The following PLCB4 variants were observed in gnomAD, a reference collection of about 807,000 sequenced individuals.
The protein encoded by PLCB4 is 1-phosphatidylinositol 4,5-bisphosphate phosphodiesterase beta-4.
Under a neutral mutation model 178.8 loss-of-function variants are expected in PLCB4, and 77 were observed. The ratio of observed to expected loss-of-function variants is 0.43; its 90% CI spans 0.36 to 0.52. The LOEUF (loss-of-function observed/expected upper bound fraction) is 0.52. PLCB4 is among the 20% of genes least tolerant of loss of function. The pLI, the probability that PLCB4 is intolerant of heterozygous loss-of-function variation, is 0.00. For missense variants in PLCB4, 1,024 were observed against 1,453.4 expected, an observed-to-expected ratio of 0.70 and a Z score of 4.80; for synonymous variants, 496 against 490.8, an observed-to-expected ratio of 1.01 and a Z score of -0.14.
At chr20:9,185,388 C>A (rs977015543) in intron 2 of PLCB4, among the ~76,000 whole-genome samples, 1 of 152,064 alleles carries the variant, frequency 6.6e-6, no homozygotes, top group Non-Finnish European at 1.5e-5. Context: ...TGACTCCTCT[C>A]TCTCACACTC....
At chr20:9,473,392 A>G in intron 38 of PLCB4, 27 bp downstream of exon 38, 1 of 1,351,394 alleles carries the variant, frequency 7.4e-7, no homozygotes, top group East Asian at 2.3e-5. Context: ...ACGTAAAAAC[A>G]TGCAGGCAGC....
chr20:9,342,700 A>T (rs73066406), intron 7 of PLCB4, among the ~76,000 whole-genome samples: 10,651 of 149,748 alleles, frequency 0.071, 416 homozygotes, highest in African/African-American at 0.098. Context: ...AATGCCTCAG[A>T]TAGCCAGTTT....
At chr20:9,336,731 C>CAA (rs66471977) in intron 4 of PLCB4, among the ~76,000 whole-genome samples, 59 of 120,652 alleles carry the variant, frequency 4.9e-4, no homozygotes, top group African/African-American at 1.6e-3. Flanking sequence ...ATTTTACAGA[C>CAA]AAAAAAAAAA....
chr20:9,078,536 A>G (rs1343175390), intron 1 of PLCB4, among the ~76,000 whole-genome samples: 1 of 151,116 alleles, frequency 6.6e-6, no homozygotes. Context: ...TAATTTTTGT[A>G]TTTTTAGTAG....
intron 4 of PLCB4, among the ~76,000 whole-genome samples, chr20:9,317,782 A>G (rs770762504): frequency 2.0e-5 from 3 of 152,232 alleles, no homozygotes; most frequent in Non-Finnish European, 4.4e-5. Context: ...AGCTGCACAA[A>G]GAAAGAACAT....
intron 8 of PLCB4, among the ~76,000 whole-genome samples, chr20:9,364,800 T>G (rs1269463079): frequency 6.6e-6 from 1 of 152,218 alleles, no homozygotes; most frequent in Non-Finnish European, 1.5e-5. Flanking sequence ...AGAAAAGTCC[T>G]AGCTCCAAAG....
intron 2 of PLCB4, among the ~76,000 whole-genome samples, chr20:9,122,941 A>G (rs6133666): frequency 0.2 from 29,980 of 152,134 alleles, 3,942 homozygotes; most frequent in East Asian, 0.55. Context: ...TGGATACAGT[A>G]TCTGTTCTCT....
At chr20:9,153,305 C>T (rs565156867) in intron 2 of PLCB4, among the ~76,000 whole-genome samples, 26 of 152,214 alleles carry the variant, frequency 1.7e-4, no homozygotes, top group African/African-American at 6.0e-4. Flanking sequence ...GCCTGTGTCC[C>T]CATCCAAAAC....
intron 7 of PLCB4, among the ~76,000 whole-genome samples, chr20:9,340,442 G>A (rs181678988): frequency 6.6e-6 from 1 of 152,248 alleles, no homozygotes; most frequent in East Asian, 1.9e-4. Context: ...GTGTGGTGAA[G>A]TTTGAGAACT....
At chr20:9,135,379 T>A (rs1345823056) in intron 2 of PLCB4, among the ~76,000 whole-genome samples, 1 of 152,100 alleles carries the variant, frequency 6.6e-6, no homozygotes, top group Non-Finnish European at 1.5e-5. Context: ...CATCGGTTGA[T>A]CATTTTTTAT....
intron 2 of PLCB4, among the ~76,000 whole-genome samples, chr20:9,200,646 C>T (rs1322515868): frequency 6.6e-6 from 1 of 152,172 alleles, no homozygotes; most frequent in Non-Finnish European, 1.5e-5. Flanking sequence ...CCTTCACTTG[C>T]TGTTTTCCAG....
chr20:9,204,941 TA>T (rs1431977915), intron 2 of PLCB4, among the ~76,000 whole-genome samples: 2 of 152,186 alleles, frequency 1.3e-5, no homozygotes, highest in African/African-American at 4.8e-5. Context: ...GAATAATTTT[TA>T]TATTGATTAC....
chr20:9,290,445 A>G (rs1041520681), intron 3 of PLCB4, among the ~76,000 whole-genome samples: 1 of 152,102 alleles, frequency 6.6e-6, no homozygotes, highest in Admixed American at 6.6e-5. Flanking sequence ...TATCCTTTCT[A>G]TTGCCTCTGG....
At chr20:9,104,163 A>C (rs930737257) in intron 2 of PLCB4, among the ~76,000 whole-genome samples, 4 of 152,194 alleles carry the variant, frequency 2.6e-5, no homozygotes, top group African/African-American at 9.6e-5. Context: ...ATTCACCTAC[A>C]TGCCTGGCAA....
intron 3 of PLCB4, among the ~76,000 whole-genome samples, chr20:9,299,270 T>TG (rs2094676753): frequency 6.6e-6 from 1 of 152,036 alleles, no homozygotes; most frequent in East Asian, 1.9e-4. Flanking sequence ...GAAACAAGTT[T>TG]TAAAATTGTA....
intron 12 of PLCB4, 21 bp downstream of exon 12, chr20:9,373,125 A>C: frequency 7.8e-7 from 1 of 1,274,422 alleles, no homozygotes; most frequent in South Asian, 1.2e-5. Flanking sequence ...TCATACATTA[A>C]CTCCATAAAG....
chr20:9,181,934 T>C (rs111513605), intron 2 of PLCB4, among the ~76,000 whole-genome samples: 7 of 152,214 alleles, frequency 4.6e-5, no homozygotes, highest in African/African-American at 1.7e-4. Flanking sequence ...GGAAATTGCT[T>C]TCAGACCTTG....
chr20:9,443,880 CAA>C (rs1390293991), intron 30 of PLCB4, 99 bp from the exon 31 acceptor site: 4 of 689,274 alleles, frequency 5.8e-6, no homozygotes, highest in Non-Finnish European at 1.0e-5. Flanking sequence ...AAAGCTGCTT[CAA>C]AGTCTTTCGA....
At chr20:9,205,529 C>A (rs1008840897) in intron 2 of PLCB4, among the ~76,000 whole-genome samples, 4 of 152,122 alleles carry the variant, frequency 2.6e-5, no homozygotes, top group African/African-American at 9.7e-5. Context: ...CTCATATATC[C>A]TTTACCCAGT....
Sources: gnomAD v4.1 joint callset for allele counts (sites outside exome capture counted in the v4.1 genomes callset) on GRCh38, gnomAD v4.1.1 for gene constraint, MANE v1.5 for transcripts, NCBI Gene and HGNC (gene_info 2026-07-23, HGNC 2026-07-21) for gene names.